Variants in CLSTN1 observed in about 807,000 individuals in gnomAD.
The protein encoded by CLSTN1 is calsyntenin 1.
Under a neutral mutation model 108.3 loss-of-function variants are expected in CLSTN1, and 28 were observed. The ratio of observed to expected loss-of-function variants is 0.26; its 90% confidence interval spans 0.19 to 0.35. The LOEUF (loss-of-function observed/expected upper bound fraction) is 0.35, where lower values mean the gene tolerates loss of function less well. CLSTN1 is among the 10% of genes least tolerant of loss of function. The pLI is 1.00. For synonymous variants in CLSTN1, 524 were observed against 534.9 expected, an observed-to-expected ratio of 0.98 and a Z score of 0.28; for missense variants, 1,157 against 1,302.6, an observed-to-expected ratio of 0.89 and a Z score of 1.72.
At chr1:9,761,164 G>A (rs1298224751) in intron 2 of CLSTN1, among the ~76,000 whole-genome samples, 1 of 152,084 alleles carries the variant, frequency 6.6e-6, no homozygotes, top group African/African-American at 2.4e-5. Context: ...ATTCCCCTAG[G>A]AGATCATCTA....
chr1:9,761,513 A>T (rs570503059), intron 2 of CLSTN1, among the ~76,000 whole-genome samples: 39 of 150,990 alleles, frequency 2.6e-4, no homozygotes, highest in East Asian at 8.4e-4. Context: ...AAATTTTTTT[A>T]AAAATTTTTT....
intron 1 of CLSTN1, among the ~76,000 whole-genome samples, chr1:9,806,234 G>C (rs547689294): frequency 1.3e-5 from 2 of 152,040 alleles, no homozygotes; most frequent in Non-Finnish European, 2.9e-5. Flanking sequence ...GGGGTGGAGG[G>C]GGGGAGGTTG....
intron 10 of CLSTN1, among the ~76,000 whole-genome samples, chr1:9,739,960 G>A (rs1037922697): frequency 5.0e-4 from 76 of 152,136 alleles, no homozygotes; most frequent in African/African-American, 1.8e-3. Context: ...GGGACCACAG[G>A]CACCCGCCAC....
chr1:9,789,264 C>G (rs1295243446), intron 1 of CLSTN1, among the ~76,000 whole-genome samples: 1 of 151,344 alleles, frequency 6.6e-6, no homozygotes, highest in East Asian at 2.0e-4. Flanking sequence ...GCCGCCATAC[C>G]GTTCTCCATA....
chr1:9,731,351 A>G lies in CLSTN1; in HGVS notation c.2603T>C (p.Val868Ala). 6.2e-7 allele frequency: 1 copy of G among 1,614,240 alleles called. No homozygotes were observed. The highest frequency in any genetic ancestry group is 8.5e-7 in the Non-Finnish European group (1 of 1,180,036). Residue 868 changes from valine (V) to alanine (A), a missense_variant, in exon 18 of 19, where the codon GTC (valine) becomes GCC (alanine). Val to Ala is a moderately conservative substitution (Grantham distance 64). Coordinates refer to ENST00000377298, the MANE Select transcript of CLSTN1 (RefSeq NM_001009566.3). ...STATVVIVVC[V>A]SFLVFMIILG... is the part of the protein sequence containing the mutation. ...GATAATCATGAACACCAGGAAGCTG[A>G]CGCACACCACGATCACAACTGTCGC...
intron 1 of CLSTN1, among the ~76,000 whole-genome samples, chr1:9,776,018 G>A (rs1652923896): frequency 6.6e-6 from 1 of 150,908 alleles, no homozygotes; most frequent in African/African-American, 2.4e-5. Context: ...TGTCGCCCAG[G>A]CTGGAGTGCA....
intron 11 of CLSTN1, among the ~76,000 whole-genome samples, chr1:9,736,635 C>T (rs1403169974): frequency 6.6e-6 from 1 of 152,178 alleles, no homozygotes; most frequent in Non-Finnish European, 1.5e-5. Context: ...TGGCCCTTGA[C>T]AGATGACAAC....
intron 2 of CLSTN1, among the ~76,000 whole-genome samples, chr1:9,773,032 G>A (rs1327747976): frequency 1.3e-5 from 2 of 151,832 alleles, no homozygotes; most frequent in African/African-American, 4.8e-5. Context: ...GCTACATTAA[G>A]ATAAAGAAAA....
intron 6 of CLSTN1, 31 bp downstream of exon 6, chr1:9,749,733 A>G: frequency 6.2e-7 from 1 of 1,613,136 alleles, no homozygotes; most frequent in Non-Finnish European, 8.5e-7. Flanking sequence ...TTAAGAGCAG[A>G]TGTGAGCGCA....
rs1163373342 is a variant in CLSTN1 at position 9,798,877 on chromosome 1, GC to G, written c.91+24765del. Among the ~76,000 whole-genome samples, 6 of 152,208 alleles carry G rather than the reference GC, an allele frequency of 3.9e-5. No individual in the cohort carries two copies. In the East Asian group the frequency reaches 7.7e-4, roughly 20 times the overall value. ...GAAGTGAGATCACAAGGCAATTGCT[GC>G]CCCCCAAAATTGGAGACAGGCTGCG... On this transcript the variant is annotated intron_variant, in intron 1 of 18. Coordinates refer to ENST00000377298, the MANE Select transcript of CLSTN1 (RefSeq NM_001009566.3).
intron 2 of CLSTN1, among the ~76,000 whole-genome samples, chr1:9,759,445 T>C (rs1464365194): frequency 6.6e-6 from 1 of 152,100 alleles, no homozygotes; most frequent in Non-Finnish European, 1.5e-5. Context: ...CTGGCTAATT[T>C]TTTTGTTATT....
chr1:9,737,367 A>G (rs1650748955), intron 11 of CLSTN1, 131 bp downstream of exon 11: 2 of 779,368 alleles, frequency 2.6e-6, no homozygotes, highest in Non-Finnish European at 4.5e-6. Context: ...GGGGAAGCGC[A>G]ATGCAGGGAA....
chr1:9,751,947 T>C (rs894361076), intron 4 of CLSTN1, among the ~76,000 whole-genome samples: 2 of 151,884 alleles, frequency 1.3e-5, no homozygotes, highest in African/African-American at 4.8e-5. Context: ...AAACCAATCA[T>C]CTAAAATAAA....
At chr1:9,788,602 T>C (rs1653605711) in intron 1 of CLSTN1, among the ~76,000 whole-genome samples, 1 of 150,404 alleles carries the variant, frequency 6.6e-6, no homozygotes, top group Admixed American at 6.8e-5. Flanking sequence ...GCGCAGTGGC[T>C]CACGCCTGTA....
At chr1:9,732,197 G>GT (rs1349820893) in intron 16 of CLSTN1, among the ~76,000 whole-genome samples, 1 of 152,142 alleles carries the variant, frequency 6.6e-6, no homozygotes, top group East Asian at 1.9e-4. Flanking sequence ...CTACTTATTA[G>GT]TATTTGTTGA....
intron 15 of CLSTN1, 25 bp from the exon 16 acceptor site, chr1:9,733,571 T>G (rs748459390): frequency 1.2e-6 from 2 of 1,612,742 alleles, no homozygotes; most frequent in African/African-American, 2.7e-5. Flanking sequence ...AGGGGGAAGA[T>G]TGCCGGGTGG....
Position 9,735,111 on chromosome 1 carries a change from C to G in CLSTN1, c.1947G>C (p.Gln649His). Residue 649 changes from glutamine to histidine, a missense_variant, in exon 14 of 19, where the codon CAG (glutamine) becomes CAC (histidine). Transcript: ENST00000377298. Reference sequence around the variant, plus strand: ...TCAGGCTGATCTTGGGCTCCTCGGGCTGTAAAACCATCACGTAGCCATCTA... The same window carrying G: ...TCAGGCTGATCTTGGGCTCCTCGGGGTGTAAAACCATCACGTAGCCATCTA... Reference protein sequence around the residue: ...PPVDGYVMVLQPEEPKISLSG... With the variant: ...PPVDGYVMVLHPEEPKISLSG... 6.2e-7 allele frequency: 1 copy of G among 1,614,222 alleles called. No individual in the cohort carries two copies. Among genetic ancestry groups the G allele is most frequent in the Non-Finnish European group, 8.5e-7 (1 of 1,180,042 alleles).
intron 2 of CLSTN1, 95 bp downstream of exon 2, chr1:9,773,176 AT>A: frequency 6.5e-7 from 1 of 1,533,648 alleles, no homozygotes; most frequent in Non-Finnish European, 8.9e-7. Flanking sequence ...CTATGGAGAC[AT>A]TTTCAGAAAC....
intron 1 of CLSTN1, among the ~76,000 whole-genome samples, chr1:9,777,175 GTA>G (rs1327700415): frequency 5.2e-5 from 7 of 135,716 alleles, no homozygotes; most frequent in Admixed American, 1.6e-4. Flanking sequence ...AGCCAAGATT[GTA>G]CCACTGCACT....
Sources: gnomAD v4.1 joint callset for allele counts (sites outside exome capture counted in the v4.1 genomes callset) on GRCh38, gnomAD v4.1.1 for gene constraint, MANE v1.5 for transcripts, NCBI Gene and HGNC (gene_info 2026-07-23, HGNC 2026-07-21) for gene names.